The following NLRC4 variants were observed in gnomAD, a reference collection of about 807,000 sequenced individuals.
NLRC4 encodes NLR family CARD domain containing 4, also known as NLR family CARD domain-containing protein 4.
In NLRC4, 63 loss-of-function variants were observed where a neutral mutation model predicts 79.9. That is an observed-to-expected ratio of 0.79 (90% CI 0.64 to 0.97). The LOEUF is 0.97. Among genes scored for constraint, NLRC4 ranks in the 50% least tolerant of loss-of-function variants. The pLI is 0.00. For missense variants in NLRC4, 1,074 were observed against 1,215.2 expected (o/e 0.88, Z 1.73); for synonymous variants, 461 against 456.5 (o/e 1.01, Z -0.12).
At position 32,251,048 on chromosome 2, in the gene NLRC4, CTTGAAGCGGTGG is replaced by C. The variant is rs1042579680; in HGVS notation, c.804_815del (p.Asn268_Phe271del). 6.2e-7 allele frequency: 1 copy of C among 1,614,070 alleles called. No individual in the cohort carries two copies. The highest frequency in any genetic ancestry group is 1.3e-5 in the African/African-American group (1 of 74,944). Reference sequence around the variant, plus strand: ...TGGTAGTGGTGACGATGACCATGTTCTTGAAGCGGTGGTTTTCCTTTATCAGGGCTTCGATTT... The same window carrying C: ...TGGTAGTGGTGACGATGACCATGTTCTTTTCCTTTATCAGGGCTTCGATTT... On this transcript the variant is annotated inframe_deletion, in exon 4 of 9. Transcript: ENST00000402280.
chr2:32,249,596 A>G lies in NLRC4; in HGVS notation c.2257+11T>C. ...AGTGAACAAAGCACAAACCACTGAT[A>G]TTTACAATACCCGGCAGCCGTTGAT... is the stretch of plus-strand genomic sequence containing the variant. On this transcript the variant is annotated intron_variant, in intron 4 of 8. Transcript: ENST00000402280. The G allele has an allele frequency of 6.4e-7, 1 of 1,553,664 alleles. No homozygotes were observed. The highest frequency in any genetic ancestry group is 8.7e-7 in the Non-Finnish European group (1 of 1,151,050).
At position 32,261,315 on chromosome 2, in the gene NLRC4, C is replaced by CTTTTTTTTTTTTTTTTTTTTTTTTTTT. The variant is rs1558464069; in HGVS notation, c.-119+3422_-119+3423insAAAAAAAAAAAAAAAAAAAAAAAAAAA. 1.1e-4 allele frequency among the ~76,000 whole-genome samples: 9 copies of CTTTTTTTTTTTTTTTTTTTTTTTTTTT among 81,504 alleles called. 1 individual carries two copies. The highest frequency in any genetic ancestry group is 3.9e-4 in the African/African-American group (8 of 20,688). 53.5% of individuals were successfully genotyped at this position (81,504 alleles called of 152,430 possible). A position where few individuals can be genotyped will look rare whatever the true frequency, so the allele number is the denominator to read the frequency against. Reference sequence around the variant, plus strand: ...TTTCTTTCGCCTATTAAGCCTCCCCCCTTTTGTTTTTTTTTGAGATGGAGC... The same window carrying CTTTTTTTTTTTTTTTTTTTTTTTTTTT: ...TTTCTTTCGCCTATTAAGCCTCCCCCTTTTTTTTTTTTTTTTTTTTTTTTTTTCTTTTGTTTTTTTTTGAGATGGAGC... On this transcript the variant is annotated intron_variant, in intron 1 of 8. Transcript: ENST00000402280.
intron 8 of NLRC4, among the ~76,000 whole-genome samples, chr2:32,228,891 C>T (rs1488319543): frequency 6.6e-6 from 1 of 151,840 alleles, no homozygotes; most frequent in South Asian, 2.1e-4. Context: ...CTCAGCTTCC[C>T]GTATAGCTGG....
intron 8 of NLRC4, among the ~76,000 whole-genome samples, chr2:32,233,326 T>TAC (rs1686592305): frequency 2.2e-5 from 1 of 45,094 alleles, no homozygotes; most frequent in Non-Finnish European, 4.0e-5. Flanking sequence ...TTTAAATATA[T>TAC]ATATATATAT....
At chr2:32,233,342 TATA>T (rs1558447230) in intron 8 of NLRC4, among the ~76,000 whole-genome samples, 1 of 46,044 alleles carries the variant, frequency 2.2e-5, no homozygotes, top group Non-Finnish European at 4.1e-5. Context: ...TATATATATA[TATA>T]TATATTTTTT....
chr2:32,241,233 C>T (rs1334978661), intron 4 of NLRC4, 108 bp from the exon 5 acceptor site: 1 of 707,600 alleles, frequency 1.4e-6, no homozygotes, highest in Non-Finnish European at 2.4e-6. Context: ...TAATGATCAT[C>T]ATGAGCCAAA....
At chr2:32,263,377 G>C (rs1259844395) in intron 1 of NLRC4, among the ~76,000 whole-genome samples, 1 of 152,192 alleles carries the variant, frequency 6.6e-6, no homozygotes, top group Non-Finnish European at 1.5e-5. Flanking sequence ...AAGTAGTTGT[G>C]ACAAAGATGG....
At chr2:32,255,920 A>C (rs1167371936) in intron 2 of NLRC4, among the ~76,000 whole-genome samples, 1 of 152,074 alleles carries the variant, frequency 6.6e-6, no homozygotes, top group Non-Finnish European at 1.5e-5. Flanking sequence ...AGGCTGAGGC[A>C]GAAGCATCGC....
chr2:32,231,181 G>T (rs1414196168), intron 8 of NLRC4, among the ~76,000 whole-genome samples: 3 of 152,082 alleles, frequency 2.0e-5, no homozygotes, highest in Non-Finnish European at 4.4e-5. Context: ...TTGACATGGA[G>T]TCTCACTCTG....
chr2:32,264,205 G>A (rs1306550763), intron 1 of NLRC4, among the ~76,000 whole-genome samples: 2 of 152,078 alleles, frequency 1.3e-5, no homozygotes, highest in Non-Finnish European at 2.9e-5. Context: ...GGAGGCTGAG[G>A]TGGGCAGATC....
chr2:32,263,599 G>T (rs1042835423), intron 1 of NLRC4, among the ~76,000 whole-genome samples: 1 of 151,954 alleles, frequency 6.6e-6, no homozygotes, highest in Non-Finnish European at 1.5e-5. Context: ...GCTCAAATGA[G>T]GCTGTTATGA....
chr2:32,243,589 C>T (rs1303188192), intron 4 of NLRC4, among the ~76,000 whole-genome samples: 2 of 151,550 alleles, frequency 1.3e-5, no homozygotes, highest in Admixed American at 1.3e-4. Context: ...ATCACAAGGT[C>T]AGGAGTTTGA....
At chr2:32,238,037 T>G in intron 6 of NLRC4, 95 bp downstream of exon 6, 1 of 891,528 alleles carries the variant, frequency 1.1e-6, no homozygotes, top group Non-Finnish European at 1.6e-6. Context: ...TCCTTAAAAT[T>G]AAATTTCCAT....
intron 8 of NLRC4, among the ~76,000 whole-genome samples, chr2:32,231,200 G>T (rs1686523716): frequency 6.6e-6 from 1 of 152,120 alleles, no homozygotes; most frequent in Non-Finnish European, 1.5e-5. Flanking sequence ...TGTCACCCAG[G>T]CTGGAGTGCA....
intron 4 of NLRC4, among the ~76,000 whole-genome samples, chr2:32,247,890 A>G (rs971462181): frequency 3.3e-5 from 5 of 152,180 alleles, no homozygotes; most frequent in Non-Finnish European, 7.3e-5. Flanking sequence ...GGAGGCCATT[A>G]TCTTAGGTGA....
Position 32,264,783 on chromosome 2 carries a change from G to A in NLRC4, c.-164C>T, listed in dbSNP as rs945512207. The A allele has an allele frequency of 1.3e-5, 2 of 152,108 alleles. No individual in the cohort carries two copies. The highest frequency in any genetic ancestry group is 6.5e-5 in the Admixed American group (1 of 15,268). The allele number at this position is 152,108 out of a possible 1,614,324, so 9.4% of individuals were successfully genotyped here. On this transcript the variant is annotated 5_prime_UTR_variant, in exon 1 of 9. Transcript: ENST00000402280. ...CCCTCTTCTTGGGAGACCAAGACATGTTTTTAAAATAAAGTTTCTTTGTAT... is the reference window on the plus strand; with the variant it reads ...CCCTCTTCTTGGGAGACCAAGACATATTTTTAAAATAAAGTTTCTTTGTAT...
intron 8 of NLRC4, among the ~76,000 whole-genome samples, chr2:32,228,861 C>T (rs212709): frequency 0.032 from 4,782 of 151,728 alleles, 138 homozygotes; most frequent in African/African-American, 0.08. Flanking sequence ...CCCACTGGCT[C>T]AAGTAAGTGA....
At chr2:32,241,561 G>T (rs1686803086) in intron 4 of NLRC4, among the ~76,000 whole-genome samples, 4 of 151,784 alleles carry the variant, frequency 2.6e-5, no homozygotes, top group Admixed American at 2.0e-4. Flanking sequence ...TGTATTTTTA[G>T]TAGAGACGGG....
intron 1 of NLRC4, among the ~76,000 whole-genome samples, chr2:32,261,315 C>CTTTTTTTTTTTTTT (rs1558464069): frequency 4.9e-5 from 4 of 81,508 alleles, no homozygotes; most frequent in African/African-American, 1.4e-4. Context: ...AAGCCTCCCC[C>CTTTTTTTTTTTTTT]CTTTTGTTTT....
Sources: gnomAD v4.1 joint callset for allele counts (sites outside exome capture counted in the v4.1 genomes callset) on GRCh38, gnomAD v4.1.1 for gene constraint, MANE v1.5 for transcripts, NCBI Gene and HGNC (gene_info 2026-07-23, HGNC 2026-07-21) for gene names.